Variants in YTHDF3 observed in about 807,000 individuals in gnomAD.
YTHDF3 encodes YTH domain-containing family protein 3.
Under a neutral mutation model 52.5 loss-of-function variants are expected in YTHDF3, and 9 were observed. That is an observed-to-expected ratio of 0.17 (90% CI 0.10 to 0.30). The LOEUF is 0.30. Ranked by LOEUF, YTHDF3 falls within the 10% of genes least tolerant of loss-of-function variation. The probability of loss-of-function intolerance (pLI) is 1.00; values close to 1 mark genes in which losing one functional copy is unlikely to be tolerated. For missense variants in YTHDF3, 534 were observed against 715.0 expected, an observed-to-expected ratio of 0.75 and a Z score of 2.89; for synonymous variants, 274 against 243.3, an observed-to-expected ratio of 1.13 and a Z score of -1.18.
intron 4 of YTHDF3, among the ~76,000 whole-genome samples, chr8:63,189,656 G>A (rs1189496758): frequency 2.6e-5 from 4 of 152,194 alleles, no homozygotes; most frequent in African/African-American, 9.7e-5. Context: ...TGACCCTAGA[G>A]CAGTAGTTTC....
intron 3 of YTHDF3, among the ~76,000 whole-genome samples, chr8:63,180,513 C>T (rs1306920279): frequency 6.6e-6 from 1 of 151,728 alleles, no homozygotes; most frequent in Non-Finnish European, 1.5e-5. Flanking sequence ...CAGAGGGGCT[C>T]CTCACATCCC....
intron 3 of YTHDF3, among the ~76,000 whole-genome samples, chr8:63,181,861 C>T (rs368634499): frequency 6.6e-6 from 1 of 152,072 alleles, no homozygotes; most frequent in Non-Finnish European, 1.5e-5. Context: ...TGAAGAATTA[C>T]GGTTGGTGAA....
intron 4 of YTHDF3, among the ~76,000 whole-genome samples, chr8:63,191,782 A>C (rs926533078): frequency 2.6e-5 from 4 of 152,058 alleles, no homozygotes; most frequent in Admixed American, 2.6e-4. Context: ...TTTATCTTTC[A>C]CTCAGCATGG....
intron 4 of YTHDF3, among the ~76,000 whole-genome samples, chr8:63,197,947 A>T (rs1809344562): frequency 6.6e-6 from 1 of 152,120 alleles, no homozygotes; most frequent in Non-Finnish European, 1.5e-5. Context: ...CATTCTTGTA[A>T]ATCTTCATTA....
At chr8:63,174,057 C>G (rs1435462842) in intron 2 of YTHDF3, among the ~76,000 whole-genome samples, 1 of 152,118 alleles carries the variant, frequency 6.6e-6, no homozygotes, top group African/African-American at 2.4e-5. Context: ...CATAATATTA[C>G]ATTTTAGGTG....
chr8:63,168,963 G>C lies in YTHDF3; in HGVS notation c.24+62G>C. 3 of 1,540,624 alleles carry C rather than the reference G, an allele frequency of 1.9e-6. No individual in the cohort carries two copies. In the South Asian group the frequency reaches 3.6e-5, roughly 18 times the overall value. On this transcript the variant is annotated intron_variant, in intron 1 of 4. Transcript: ENST00000539294. Reference sequence around the variant, plus strand: ...GAGCCCCGGAGCTCCACCCTCGCGCGGGGCTTCGGCTCCTCCCCGTCGCCG... The same window carrying C: ...GAGCCCCGGAGCTCCACCCTCGCGCCGGGCTTCGGCTCCTCCCCGTCGCCG...
chr8:63,174,732 T>G (rs1046656803), intron 2 of YTHDF3, among the ~76,000 whole-genome samples: 1 of 152,228 alleles, frequency 6.6e-6, no homozygotes, highest in Non-Finnish European at 1.5e-5. Context: ...AAGTCTTCAT[T>G]CTGGGGGGCT....
chr8:63,204,305 A>AT (rs1468783688), intron 4 of YTHDF3, among the ~76,000 whole-genome samples: 2 of 142,348 alleles, frequency 1.4e-5, no homozygotes, highest in Non-Finnish European at 1.5e-5. Context: ...TAATCTACTG[A>AT]TTTTTTCAAT....
intron 4 of YTHDF3, among the ~76,000 whole-genome samples, chr8:63,202,573 T>C (rs566570693): frequency 2.0e-5 from 3 of 152,092 alleles, no homozygotes; most frequent in Admixed American, 2.0e-4. Flanking sequence ...GCGATTCTCC[T>C]GTCCCAGCCT....
At chr8:63,204,930 G>A (rs1178046994) in intron 4 of YTHDF3, among the ~76,000 whole-genome samples, 1 of 152,134 alleles carries the variant, frequency 6.6e-6, no homozygotes, top group Non-Finnish European at 1.5e-5. Flanking sequence ...GTCTTGTTAA[G>A]GGCATGCGGT....
In YTHDF3 at chr8:63,187,388, C is replaced by T. The variant is rs1248437931; in HGVS notation, c.1377C>T (p.Gly459=). Residue 459 remains glycine (G), a synonymous_variant, in exon 4 of 5, where the codon GGC becomes GGT. Coordinates refer to ENST00000539294, the MANE Select transcript of YTHDF3 (RefSeq NM_152758.6). ...CTTACCGTTCCCTGAATGGGAAAGG[C>T]CCACTCTATTTACTCTTCAGTGTGA... ...DAAYRSLNGK[G]PLYLLFSVNG... 3 of 1,613,964 alleles carry T rather than the reference C, an allele frequency of 1.9e-6. No individual in the cohort carries two copies. The East Asian group carries it at 6.7e-5, about 36-fold the overall frequency.
At chr8:63,173,602 A>G in intron 2 of YTHDF3, 2 of 975,964 alleles carry the variant, frequency 2.0e-6, no homozygotes, top group Non-Finnish European at 2.4e-6. Flanking sequence ...AATAGTGAAG[A>G]ATTTTTTTTC....
chr8:63,168,799 G>A lies in YTHDF3; in HGVS notation c.-79G>A, dbSNP rs1411100421. ...GGCTGGAACAATCACTCGGCCAAGG[G>A]CGACAGCCAACTGCTGTGAGTGCAC... is the stretch of plus-strand genomic sequence containing the variant. On this transcript the variant is annotated 5_prime_UTR_variant, in exon 1 of 5. Coordinates refer to ENST00000539294, the MANE Select transcript of YTHDF3 (RefSeq NM_152758.6). 1 of 1,549,292 alleles carries A rather than the reference G, an allele frequency of 6.5e-7. No homozygotes were observed. Among genetic ancestry groups the A allele is most frequent in the Non-Finnish European group, 8.7e-7 (1 of 1,146,548 alleles).
chr8:63,209,202 G>C (rs771752805), intron 4 of YTHDF3, among the ~76,000 whole-genome samples: 1 of 152,070 alleles, frequency 6.6e-6, no homozygotes, highest in Non-Finnish European at 1.5e-5. Context: ...GTTATCTATC[G>C]TGTGCTGAAA....
Position 63,209,667 on chromosome 8 carries a change from G to GTTTT in YTHDF3, c.1735-7_1735-4dup. ...ATTGTAATTCTTTTTGTGTGTGTGTGTTTTTTTTTTTTCAGGAGAGAAATA... is the reference window on the plus strand; with the variant it reads ...ATTGTAATTCTTTTTGTGTGTGTGTGTTTTTTTTTTTTTTTTCAGGAGAGAAATA... On this transcript the variant is annotated splice_polypyrimidine_tract_variant and intron_variant, in intron 4 of 4. Transcript: ENST00000539294. 5 of 1,249,804 alleles carry GTTTT rather than the reference G, an allele frequency of 4.0e-6. No individual in the cohort carries two copies. The highest frequency in any genetic ancestry group is 2.7e-5 in the East Asian group (1 of 37,048). 77.4% of individuals were successfully genotyped at this position (1,249,804 alleles called of 1,614,324 possible).
At chr8:63,203,015 G>A (rs575913146) in intron 4 of YTHDF3, among the ~76,000 whole-genome samples, 73 of 152,052 alleles carry the variant, frequency 4.8e-4, no homozygotes, top group Non-Finnish European at 4.0e-4. Context: ...GCCAAGGCAC[G>A]CGGATCACCT....
intron 3 of YTHDF3, among the ~76,000 whole-genome samples, chr8:63,175,968 C>G (rs966899970): frequency 1.3e-5 from 2 of 152,134 alleles, no homozygotes; most frequent in Non-Finnish European, 2.9e-5. Context: ...AACACAGTTA[C>G]TTCTGTATTG....
At chr8:63,192,997 T>G (rs986752365) in intron 4 of YTHDF3, among the ~76,000 whole-genome samples, 1 of 152,072 alleles carries the variant, frequency 6.6e-6, no homozygotes, top group Non-Finnish European at 1.5e-5. Flanking sequence ...AAACTCAACC[T>G]TGGGGGAGGC....
Position 63,210,094 on chromosome 8 carries a change from ACTTTTT to A in YTHDF3, c.*393_*398del, listed in dbSNP as rs1453593756. The A allele has an allele frequency of 6.1e-6, 1 of 164,984 alleles. No homozygotes were observed. The highest frequency in any genetic ancestry group is 2.4e-5 in the African/African-American group (1 of 42,050). 10.2% of individuals were successfully genotyped at this position (164,984 alleles called of 1,614,324 possible). A position where few individuals can be genotyped will look rare whatever the true frequency, so the allele number is the denominator to read the frequency against. On this transcript the variant is annotated 3_prime_UTR_variant, in exon 5 of 5. Transcript: ENST00000539294. ...ATGATGTAAGAGTCACACTGCTTCA[ACTTTTT>A]CTTTGTTGTAGTTTTTAAATTGTCG...
Sources: gnomAD v4.1 joint callset for allele counts (sites outside exome capture counted in the v4.1 genomes callset) on GRCh38, gnomAD v4.1.1 for gene constraint, MANE v1.5 for transcripts, NCBI Gene and HGNC (gene_info 2026-07-23, HGNC 2026-07-21) for gene names.